The following VPS53 variants were observed in gnomAD, a reference collection of about 807,000 sequenced individuals.
The protein encoded by VPS53 is VPS53 subunit of GARP complex, also known as vacuolar protein sorting-associated protein 53 homolog.
VPS53 carries 70 observed loss-of-function variants against 107.0 expected under a neutral mutation model. The ratio of observed to expected loss-of-function variants is 0.65; its 90% CI spans 0.54 to 0.80. VPS53 has a LOEUF of 0.80. VPS53 is among the 30% of genes least tolerant of loss of function. The pLI, the probability that VPS53 is intolerant of heterozygous loss-of-function variation, is 0.00. For synonymous variants in VPS53, 409 were observed against 393.3 expected (o/e 1.04, Z -0.47); for missense variants, 917 against 1,049.4 (o/e 0.87, Z 1.74).
chr17:580,907 G>A (rs746184858), intron 13 of VPS53, among the ~76,000 whole-genome samples: 3 of 144,302 alleles, frequency 2.1e-5, no homozygotes, highest in Non-Finnish European at 4.5e-5. Flanking sequence ...AGACCTCTAC[G>A]CGTTCCCAGA....
At chr17:539,113 C>G (rs763621868) in intron 17 of VPS53, 2 of 152,200 alleles carry the variant, frequency 1.3e-5, no homozygotes, top group Non-Finnish European at 2.9e-5. Context: ...ATGTCCATAG[C>G]AATGACTGTT....
At chr17:613,471 TAC>T (rs1316630666) in intron 11 of VPS53, among the ~76,000 whole-genome samples, 1 of 151,652 alleles carries the variant, frequency 6.6e-6, no homozygotes, top group Non-Finnish European at 1.5e-5. Context: ...TGAAAACCTG[TAC>T]AAATATTCAC....
At chr17:551,554 GA>G in intron 17 of VPS53, 1 of 160,040 alleles carries the variant, frequency 6.2e-6, no homozygotes. Flanking sequence ...GTGACAGAGA[GA>G]GACCCTGTCT....
chr17:641,343 A>G (rs2143319003), intron 7 of VPS53, among the ~76,000 whole-genome samples: 1 of 152,362 alleles, frequency 6.6e-6, no homozygotes, highest in African/African-American at 2.4e-5. Flanking sequence ...AACAGACTTG[A>G]AAGAATTTAT....
chr17:675,469 T>A (rs1972113033), intron 4 of VPS53: 1 of 152,232 alleles, frequency 6.6e-6, no homozygotes, highest in Admixed American at 6.6e-5. Context: ...AAAGACAGAA[T>A]TTGAATCATC....
At chr17:680,839 A>C (rs1363598729) in intron 4 of VPS53, among the ~76,000 whole-genome samples, 4 of 152,168 alleles carry the variant, frequency 2.6e-5, no homozygotes, top group Admixed American at 1.3e-4. Flanking sequence ...AATCAAGAAC[A>C]AACTGCCTGC....
chr17:521,494 T>C lies in VPS53; in HGVS notation c.2223+107A>G, dbSNP rs974559701. On this transcript the variant is annotated intron_variant, in intron 20 of 21. Coordinates refer to ENST00000437048, the MANE Select transcript of VPS53 (RefSeq NM_001128159.3). ...CAGTCCAGCCCAAGAATGTGGACCA[T>C]GCTTTGAGGCCGGTGAGGATAGGAC... The C allele has an allele frequency of 3.0e-5, 38 of 1,256,994 alleles. 1 individual carries two copies. The South Asian group carries it at 6.7e-4, about 22-fold the overall frequency. The allele number at this position is 1,256,994 out of a possible 1,614,324, so 77.9% of individuals were successfully genotyped here.
chr17:699,420 T>C, intron 2 of VPS53, 40 bp from the exon 3 acceptor site: 1 of 1,484,940 alleles, frequency 6.7e-7, no homozygotes, highest in Non-Finnish European at 9.0e-7. Flanking sequence ...GTTAGTCCAC[T>C]TCCTGGAATT....
rs116320124 is a variant in VPS53 at position 625,403 on chromosome 17, G to T, written c.975-1729C>A. ...CCTGAGCCCGGGAGTTCAAGGCTGG[G>T]GTACGCTATTACCATGCCTGTGAAT... On this transcript the variant is annotated intron_variant, in intron 10 of 21. Coordinates refer to ENST00000437048, the MANE Select transcript of VPS53 (RefSeq NM_001128159.3). Among the ~76,000 whole-genome samples the T allele has an allele frequency of 4.2e-3, 632 of 151,722 alleles. 6 individuals carry two copies. Among genetic ancestry groups the T allele is most frequent in the African/African-American group, 0.015 (615 of 41,350 alleles).
At chr17:644,662 C>T (rs894221778) in intron 7 of VPS53, among the ~76,000 whole-genome samples, 1 of 151,980 alleles carries the variant, frequency 6.6e-6, no homozygotes, top group Admixed American at 6.6e-5. Flanking sequence ...CGGCTCACTG[C>T]AGCCTCCACT....
intron 11 of VPS53, among the ~76,000 whole-genome samples, chr17:609,991 G>T (rs960057725): frequency 6.6e-5 from 10 of 151,966 alleles, no homozygotes; most frequent in Admixed American, 1.3e-4. Flanking sequence ...AATTAGCCAG[G>T]CGTGGTGGCG....
At chr17:531,583 C>T (rs532878900) in intron 19 of VPS53, among the ~76,000 whole-genome samples, 1 of 152,014 alleles carries the variant, frequency 6.6e-6, no homozygotes, top group East Asian at 1.9e-4. Flanking sequence ...TAGCTCACTT[C>T]AGCCTGGATT....
intron 1 of VPS53, among the ~76,000 whole-genome samples, chr17:711,329 T>C (rs1417750586): frequency 7.9e-5 from 12 of 152,206 alleles, no homozygotes; most frequent in Non-Finnish European, 1.5e-4. Flanking sequence ...CCCAGCTTGA[T>C]AGAGTTACAA....
At chr17:632,688 C>G in intron 7 of VPS53, 1 of 456,290 alleles carries the variant, frequency 2.2e-6, no homozygotes, top group Admixed American at 2.3e-5. Flanking sequence ...GCCTCTGGGA[C>G]CCAGCGTTCT....
intron 13 of VPS53, among the ~76,000 whole-genome samples, chr17:577,877 T>A (rs914293976): frequency 4.0e-5 from 6 of 150,776 alleles, no homozygotes; most frequent in South Asian, 4.2e-4. Context: ...CCTCAGGACC[T>A]AATGTGGTCC....
intron 4 of VPS53, among the ~76,000 whole-genome samples, chr17:673,026 G>A (rs1972025139): frequency 6.6e-6 from 1 of 151,808 alleles, no homozygotes; most frequent in South Asian, 2.1e-4. Flanking sequence ...GCAGGAGAAT[G>A]GCGTGAACCC....
intron 12 of VPS53, among the ~76,000 whole-genome samples, chr17:594,149 G>A (rs878884091): frequency 1.3e-5 from 2 of 152,030 alleles, no homozygotes; most frequent in African/African-American, 4.8e-5. Context: ...TCACACTCTG[G>A]GGACTGTTGT....
intron 8 of VPS53, among the ~76,000 whole-genome samples, chr17:630,694 A>C (rs1969922600): frequency 6.6e-6 from 1 of 152,186 alleles, no homozygotes; most frequent in Admixed American, 6.5e-5. Context: ...AAAAATAATT[A>C]AGATATTTCC....
chr17:690,993 AC>A (rs1322223574), intron 4 of VPS53, among the ~76,000 whole-genome samples: 3 of 152,230 alleles, frequency 2.0e-5, no homozygotes, highest in African/African-American at 4.8e-5. Flanking sequence ...TCGGCCCAGA[AC>A]AAAGAGGTCA....
Sources: allele counts gnomAD v4.1 joint callset (sites outside exome capture counted in the v4.1 genomes callset), GRCh38; gene constraint gnomAD v4.1.1; transcripts MANE v1.5; gene names NCBI Gene and HGNC (gene_info 2026-07-23, HGNC 2026-07-21).